The following LIMCH1 variants were observed in gnomAD, a reference collection of about 807,000 sequenced individuals.
The protein encoded by LIMCH1 is LIM and calponin homology domains-containing protein 1.
A neutral mutation model predicts 176.5 loss-of-function variants in LIMCH1; 113 were observed. The ratio of observed to expected loss-of-function variants is 0.64; its 90% CI spans 0.55 to 0.75. The LOEUF is 0.75. Among genes scored for constraint, LIMCH1 ranks in the 30% least tolerant of loss-of-function variants. The probability of loss-of-function intolerance (pLI) is 0.00; values close to 1 mark genes in which losing one functional copy is unlikely to be tolerated. For synonymous variants in LIMCH1, 619 were observed against 645.9 expected (o/e 0.96, Z 0.63); for missense variants, 1,674 against 1,814.9 (o/e 0.92, Z 1.41).
intron 1 of LIMCH1, among the ~76,000 whole-genome samples, chr4:41,468,424 T>C (rs933909163): frequency 7.1e-6 from 1 of 140,728 alleles, no homozygotes; most frequent in African/African-American, 2.6e-5. Context: ...CTTCTTTCCT[T>C]CTTTCCTTCC....
chr4:41,510,801 C>T (rs1178525820), intron 2 of LIMCH1, among the ~76,000 whole-genome samples: 1 of 152,130 alleles, frequency 6.6e-6, no homozygotes, highest in African/African-American at 2.4e-5. Context: ...GTTGGGCAGG[C>T]TGGTCTCGAA....
At chr4:41,644,237 G>A (rs1448330919) in intron 14 of LIMCH1, among the ~76,000 whole-genome samples, 2 of 152,116 alleles carry the variant, frequency 1.3e-5, no homozygotes, top group African/African-American at 4.8e-5. Flanking sequence ...CATATAAAAT[G>A]ATATTGACCC....
intron 2 of LIMCH1, among the ~76,000 whole-genome samples, chr4:41,602,691 C>T (rs1309034549): frequency 1.3e-5 from 2 of 151,834 alleles, no homozygotes; most frequent in Admixed American, 1.3e-4. Context: ...GCCTGTAGTC[C>T]CAGCTATTCG....
chr4:41,683,394 C>T (rs1416444783), intron 26 of LIMCH1, among the ~76,000 whole-genome samples: 1 of 152,058 alleles, frequency 6.6e-6, no homozygotes, highest in Non-Finnish European at 1.5e-5. Context: ...ATTCATGCCA[C>T]CCCACCCCAT....
At chr4:41,478,333 G>A (rs576151501) in intron 1 of LIMCH1, among the ~76,000 whole-genome samples, 5 of 152,006 alleles carry the variant, frequency 3.3e-5, no homozygotes, top group Non-Finnish European at 7.3e-5. Flanking sequence ...CTCATTTTCC[G>A]TTGATCACTT....
intron 4 of LIMCH1, chr4:41,612,300 A>G (rs531639997): frequency 1.1e-4 from 52 of 473,744 alleles, no homozygotes; most frequent in African/African-American, 8.9e-4. Flanking sequence ...CATCCTAGAC[A>G]GTTTAGACCA....
chr4:41,391,806 A>G (rs1398347508), intron 1 of LIMCH1, among the ~76,000 whole-genome samples: 1 of 152,208 alleles, frequency 6.6e-6, no homozygotes, highest in Non-Finnish European at 1.5e-5. Flanking sequence ...ACTAAATACA[A>G]TATGGACATT....
At chr4:41,420,057 G>A (rs920177317) in intron 1 of LIMCH1, among the ~76,000 whole-genome samples, 3 of 152,052 alleles carry the variant, frequency 2.0e-5, no homozygotes, top group African/African-American at 2.4e-5. Context: ...GATGAGGGGG[G>A]CCTTCTACTC....
chr4:41,653,267 A>G (rs1355263633), intron 18 of LIMCH1, among the ~76,000 whole-genome samples: 3 of 150,260 alleles, frequency 2.0e-5, no homozygotes, highest in African/African-American at 7.4e-5. Context: ...CCTACTCCCC[A>G]TTTTACTTCT....
intron 5 of LIMCH1, 95 bp from the exon 6 acceptor site, chr4:41,619,093 C>A: frequency 7.2e-7 from 1 of 1,382,844 alleles, no homozygotes. Context: ...ATCCTCAGAA[C>A]CCACAGATTG....
intron 2 of LIMCH1, among the ~76,000 whole-genome samples, chr4:41,513,359 CT>C (rs1482763390): frequency 6.6e-6 from 1 of 152,204 alleles, no homozygotes; most frequent in Non-Finnish European, 1.5e-5. Flanking sequence ...CCCCAGTCCT[CT>C]GAATAAAGCT....
At chr4:41,367,111 C>G (rs192673583) in intron 1 of LIMCH1, among the ~76,000 whole-genome samples, 1 of 152,150 alleles carries the variant, frequency 6.6e-6, no homozygotes, top group South Asian at 2.1e-4. Flanking sequence ...TAACCGCCCC[C>G]GTGATCCAGT....
At chr4:41,449,606 C>G (rs1321645101) in intron 1 of LIMCH1, among the ~76,000 whole-genome samples, 1 of 152,154 alleles carries the variant, frequency 6.6e-6, no homozygotes, top group African/African-American at 2.4e-5. Context: ...GCATGTCTTC[C>G]TAGGGATAGA....
intron 1 of LIMCH1, among the ~76,000 whole-genome samples, chr4:41,458,314 C>G (rs916774561): frequency 1.3e-5 from 2 of 151,972 alleles, no homozygotes; most frequent in Non-Finnish European, 2.9e-5. Flanking sequence ...GTAAAAAAAC[C>G]AAATAAATAT....
intron 1 of LIMCH1, among the ~76,000 whole-genome samples, chr4:41,593,443 C>T (rs1258989537): frequency 6.6e-6 from 1 of 152,182 alleles, no homozygotes; most frequent in Admixed American, 6.5e-5. Flanking sequence ...GGATTTACCG[C>T]CATGAGTTTG....
chr4:41,492,229 C>T (rs930964230), intron 1 of LIMCH1, among the ~76,000 whole-genome samples: 7 of 152,150 alleles, frequency 4.6e-5, no homozygotes, highest in East Asian at 1.9e-4. Flanking sequence ...GGCGAAACCC[C>T]GTCTCCACCA....
intron 9 of LIMCH1, among the ~76,000 whole-genome samples, chr4:41,630,363 A>G (rs1289746940): frequency 6.6e-6 from 1 of 152,194 alleles, no homozygotes; most frequent in Non-Finnish European, 1.5e-5. Flanking sequence ...ATTTATTAAT[A>G]CTAAAAGTTA....
chr4:41,462,943 A>G (rs1366631153), intron 1 of LIMCH1, among the ~76,000 whole-genome samples: 1 of 152,100 alleles, frequency 6.6e-6, no homozygotes, highest in Non-Finnish European at 1.5e-5. Flanking sequence ...CATAGGTTTA[A>G]TAGCACACAT....
At chr4:41,682,678 C>CTTTTT (rs397975995) in intron 26 of LIMCH1, among the ~76,000 whole-genome samples, 1 of 139,050 alleles carries the variant, frequency 7.2e-6, no homozygotes, top group Non-Finnish European at 1.6e-5. Flanking sequence ...TCTTCTTCTT[C>CTTTTT]TTTTTTTTTT....
Sources: gnomAD v4.1 joint callset for allele counts (sites outside exome capture counted in the v4.1 genomes callset) on GRCh38, gnomAD v4.1.1 for gene constraint, MANE v1.5 for transcripts, NCBI Gene and HGNC (gene_info 2026-07-23, HGNC 2026-07-21) for gene names.